STX12: variants seen among roughly 807,000 people sequenced by gnomAD.
STX12 encodes syntaxin-12.
A neutral mutation model predicts 42.2 loss-of-function variants in STX12; 17 were observed. The observed-to-expected ratio is 0.40, with a 90% CI of 0.28 to 0.60. The LOEUF is 0.60. Among genes scored for constraint, STX12 ranks in the 20% least tolerant of loss-of-function variants. The pLI is 0.39. For missense variants in STX12, 297 were observed against 330.9 expected, an observed-to-expected ratio of 0.90 and a Z score of 0.79; for synonymous variants, 108 against 116.7, an observed-to-expected ratio of 0.93 and a Z score of 0.48.
chr1:27,822,393 G>A lies in STX12; in HGVS notation c.*64G>A. ...GCAAGTGCTTGTTGAAGTCTTGCCA[G>A]AACAAACTGATCACAAGAAGACAGC... On this transcript the variant is annotated 3_prime_UTR_variant, in exon 9 of 9. Transcript: ENST00000373943. 9.9e-7 allele frequency: 1 copy of A among 1,013,072 alleles called. No individual in the cohort carries two copies. 62.8% of individuals were successfully genotyped at this position (1,013,072 alleles called of 1,614,324 possible).
chr1:27,779,328 TTTTTGTTTTTTTTTG>T (rs1238852712), intron 1 of STX12, among the ~76,000 whole-genome samples: 1 of 145,860 alleles, frequency 6.9e-6, no homozygotes, highest in African/African-American at 2.8e-5. Flanking sequence ...GTTTTTTTTG[TTTTTGTTTTTTTTTG>T]TTTTTTTTTG....
At chr1:27,804,197 G>A (rs1022993976) in intron 4 of STX12, among the ~76,000 whole-genome samples, 3 of 151,764 alleles carry the variant, frequency 2.0e-5, no homozygotes, top group Admixed American at 6.6e-5. Context: ...AGGCCGAGGC[G>A]GGTGGATCAC....
At chr1:27,814,185 A>G (rs958390395) in intron 6 of STX12, among the ~76,000 whole-genome samples, 1 of 152,308 alleles carries the variant, frequency 6.6e-6, no homozygotes, top group South Asian at 2.1e-4. Context: ...CAAAAATGTC[A>G]TATCTTTACT....
chr1:27,810,272 G>A lies in STX12; in HGVS notation c.453G>A (p.Gln151=), dbSNP rs955479272. Residue 151 remains glutamine (Q), a synonymous_variant, in exon 5 of 9, where the codon CAG becomes CAA. Coordinates refer to ENST00000373943, the MANE Select transcript of STX12 (RefSeq NM_177424.3). Reference sequence around the variant, plus strand: ...CAGAAGAGAGGCAAAGAGAGGAGCAGCTGGTCTCATTTGACAGGTAATAGA... The same window carrying A: ...CAGAAGAGAGGCAAAGAGAGGAGCAACTGGTCTCATTTGACAGGTAATAGA... ...LSAEERQREE[Q]LVSFDSHEEW... is the part of the protein sequence containing the mutation. 3 of 1,613,614 alleles carry A rather than the reference G, an allele frequency of 1.9e-6. No homozygotes were observed. In the Admixed American group the frequency reaches 5.0e-5, roughly 27 times the overall value.
Position 27,822,420 on chromosome 1 carries a change from T to G in STX12, c.*91T>G. 1.2e-6 allele frequency: 1 copy of G among 826,416 alleles called. No homozygotes were observed. Among genetic ancestry groups the G allele is most frequent in the East Asian group, 2.4e-5 (1 of 41,130 alleles). The allele number at this position is 826,416 out of a possible 1,614,324, so 51.2% of individuals were successfully genotyped here. The stretch of plus-strand genomic sequence containing the variant: ...ACAAACTGATCACAAGAAGACAGCA[T>G]ATATCAGAACGTCCTGTAATCATTT... On this transcript the variant is annotated 3_prime_UTR_variant, in exon 9 of 9. Transcript: ENST00000373943.
rs1415530911 is a variant in STX12, at chr1:27,773,411, G to C, written c.104G>C (p.Arg35Pro). The change falls in exon 1 of 9, where the codon CGG becomes CCG. Residue 35 changes from arginine to proline, a missense_variant. Transcript: ENST00000373943. ...IIQTCSGNIQ[R>P]ISQATAQIKN... ...CAGACGTGCAGCGGCAACATCCAGC[G>C]GATCAGCCAAGCCAGTGAGCCGGGG... The C allele has an allele frequency of 1.2e-6, 2 of 1,613,338 alleles. No individual in the cohort carries two copies. The highest frequency in any genetic ancestry group is 1.7e-6 in the Non-Finnish European group (2 of 1,179,786).
chr1:27,785,875 A>G (rs2088695422), intron 1 of STX12, among the ~76,000 whole-genome samples: 1 of 152,184 alleles, frequency 6.6e-6, no homozygotes, highest in South Asian at 2.1e-4. Flanking sequence ...AGGGAGCTGG[A>G]GAAGGGAGCA....
At chr1:27,774,829 G>A (rs918352313) in intron 1 of STX12, among the ~76,000 whole-genome samples, 31 of 152,042 alleles carry the variant, frequency 2.0e-4, no homozygotes, top group East Asian at 5.8e-4. Flanking sequence ...TGCATCTACC[G>A]TGCCAGGCTA....
At chr1:27,796,769 A>C (rs1158665437) in intron 3 of STX12, among the ~76,000 whole-genome samples, 2 of 150,438 alleles carry the variant, frequency 1.3e-5, no homozygotes, top group Non-Finnish European at 1.5e-5. Flanking sequence ...CAAATGGTGC[A>C]ATCTCGGCTC....
chr1:27,812,969 C>T (rs1328822858), intron 6 of STX12, among the ~76,000 whole-genome samples: 1 of 152,138 alleles, frequency 6.6e-6, no homozygotes, highest in East Asian at 1.9e-4. Context: ...TTTGCTTAGT[C>T]TGAAGAGCCC....
intron 1 of STX12, among the ~76,000 whole-genome samples, chr1:27,778,878 G>A (rs566986344): frequency 6.2e-4 from 95 of 152,164 alleles, no homozygotes; most frequent in African/African-American, 2.2e-3. Flanking sequence ...TCTTACTTGA[G>A]TCTCCCAAAT....
In STX12 at chr1:27,817,942, T is replaced by G. The variant is rs1417312704; in HGVS notation, c.649+19T>G. On this transcript the variant is annotated intron_variant, in intron 7 of 8. Coordinates refer to ENST00000373943, the MANE Select transcript of STX12 (RefSeq NM_177424.3). Reference sequence around the variant, plus strand: ...CTGATTGGTATGTATTATTGATACCTTTAACCTCAAGGTGAGTTGATAGTA... The same window carrying G: ...CTGATTGGTATGTATTATTGATACCGTTAACCTCAAGGTGAGTTGATAGTA... 3 of 1,600,608 alleles carry G rather than the reference T, an allele frequency of 1.9e-6. No individual in the cohort carries two copies. The highest frequency in any genetic ancestry group is 8.6e-7 in the Non-Finnish European group (1 of 1,168,278).
intron 3 of STX12, among the ~76,000 whole-genome samples, chr1:27,794,549 A>G (rs1256235966): frequency 1.3e-5 from 2 of 152,140 alleles, no homozygotes; most frequent in African/African-American, 2.4e-5. Flanking sequence ...TTCCCTTAAT[A>G]TGCCACATTC....
At chr1:27,780,020 A>G (rs2088656914) in intron 1 of STX12, among the ~76,000 whole-genome samples, 1 of 151,444 alleles carries the variant, frequency 6.6e-6, no homozygotes, top group South Asian at 2.1e-4. Flanking sequence ...TGAACTCCTG[A>G]CCTCAGGTGA....
intron 8 of STX12, 56 bp from the exon 9 acceptor site, chr1:27,822,175 C>A: frequency 9.5e-7 from 1 of 1,048,444 alleles, no homozygotes; most frequent in Non-Finnish European, 1.5e-6. Flanking sequence ...TAGAGTCTTA[C>A]ACATACAAAT....
chr1:27,820,404 A>T (rs895856361), intron 8 of STX12: 1 of 151,998 alleles, frequency 6.6e-6, no homozygotes, highest in Admixed American at 6.6e-5. Flanking sequence ...TAGATTCTGG[A>T]TGTTAGCCCT....
At position 27,822,258 on chromosome 1, in the gene STX12, C is replaced by A; in HGVS notation, c.760C>A (p.Leu254Met). 5 of 1,613,136 alleles carry A rather than the reference C, an allele frequency of 3.1e-6. No individual in the cohort carries two copies. Among genetic ancestry groups the A allele is most frequent in the Non-Finnish European group, 4.2e-6 (5 of 1,179,226 alleles). The change falls in exon 9 of 9, where the codon CTG (leucine) becomes ATG (methionine). Residue 254 changes from leucine to methionine, a missense_variant. Transcript: ENST00000373943. ...AAAATCTCGCAAGAAGATGTGTATC[C>A]TGGTGCTTGTCCTGTCAGTGATTAT... ...QKKSRKKMCI[L>M]VLVLSVIILI...
chr1:27,788,251 C>A (rs1479324916), intron 1 of STX12, among the ~76,000 whole-genome samples: 5 of 152,194 alleles, frequency 3.3e-5, no homozygotes, highest in African/African-American at 1.2e-4. Flanking sequence ...ATATAACTAA[C>A]TTCCAACCTC....
chr1:27,793,734 T>C, intron 3 of STX12, 102 bp downstream of exon 3: 1 of 796,714 alleles, frequency 1.3e-6, no homozygotes, highest in Admixed American at 2.4e-5. Context: ...TGGTGCTAGA[T>C]AGATAGACCT....
Sources: allele counts gnomAD v4.1 joint callset (sites outside exome capture counted in the v4.1 genomes callset), GRCh38; gene constraint gnomAD v4.1.1; transcripts MANE v1.5; gene names NCBI Gene and HGNC (gene_info 2026-07-23, HGNC 2026-07-21).